CATSPERE: variants seen among roughly 807,000 people sequenced by gnomAD.
CATSPERE encodes cation channel sperm-associated auxiliary subunit epsilon.
CATSPERE carries 93 observed loss-of-function variants against 114.1 expected under a neutral mutation model. That is an observed-to-expected ratio of 0.81 (90% CI 0.69 to 0.97). CATSPERE has a LOEUF of 0.97. CATSPERE is among the 50% of genes least tolerant of loss of function. The pLI, the probability that CATSPERE is intolerant of heterozygous loss-of-function variation, is 0.00. For synonymous variants in CATSPERE, 341 were observed against 384.1 expected, an observed-to-expected ratio of 0.89 and a Z score of 1.31; for missense variants, 1,058 against 1,131.6, an observed-to-expected ratio of 0.93 and a Z score of 0.93.
intron 7 of CATSPERE, among the ~76,000 whole-genome samples, chr1:244,516,633 T>C (rs754897999): frequency 6.6e-6 from 1 of 150,748 alleles, no homozygotes; most frequent in Non-Finnish European, 1.5e-5. Context: ...GTGATTCTCC[T>C]GCCTCAGCCT....
At chr1:244,490,414 T>C (rs1390039339) in intron 5 of CATSPERE, 33 bp from the exon 6 acceptor site, 6 of 1,478,530 alleles carry the variant, frequency 4.1e-6, no homozygotes, top group African/African-American at 2.8e-5. Context: ...AACAGGCTGT[T>C]TACTAAAATA....
At chr1:244,621,290 T>G (rs79382175) in intron 20 of CATSPERE, among the ~76,000 whole-genome samples, 6,380 of 46,040 alleles carry the variant, frequency 0.14, 2,170 homozygotes, top group Non-Finnish European at 0.17. Flanking sequence ...TATAGATATA[T>G]CTATATAAAT....
rs148380173 is a variant in CATSPERE, at chr1:244,554,403, A to G, written c.1029+1589A>G. Among the ~76,000 whole-genome samples, 225 of 152,124 alleles carry G rather than the reference A, an allele frequency of 1.5e-3. 1 individual carries two copies. The highest frequency in any genetic ancestry group is 5.2e-3 in the African/African-American group (214 of 41,500). On this transcript the variant is annotated intron_variant, in intron 9 of 21. Transcript: ENST00000366534. Reference sequence around the variant, plus strand: ...TGCCAGGCTGGGCAGGGTGGCTCACACCTGTAGTTGCAGCACTTCGGGAGG... The same window carrying G: ...TGCCAGGCTGGGCAGGGTGGCTCACGCCTGTAGTTGCAGCACTTCGGGAGG...
At chr1:244,612,848 TG>T (rs761334271) in intron 19 of CATSPERE, among the ~76,000 whole-genome samples, 5 of 152,100 alleles carry the variant, frequency 3.3e-5, no homozygotes, top group Non-Finnish European at 5.9e-5. Flanking sequence ...TCTAAGTGAC[TG>T]GGTGATTTGA....
At chr1:244,510,183 T>C (rs1162627676) in intron 7 of CATSPERE, among the ~76,000 whole-genome samples, 1 of 152,186 alleles carries the variant, frequency 6.6e-6, no homozygotes, top group African/African-American at 2.4e-5. Flanking sequence ...GAGATCCTTT[T>C]ACTTTTATGA....
In CATSPERE at chr1:244,590,211, C is replaced by T. The variant is rs116508738; in HGVS notation, c.2139-1470C>T. On this transcript the variant is annotated intron_variant, in intron 14 of 21. Transcript: ENST00000366534. ...TAACTAAAAACTCCTATAATTACAA[C>T]GATCATTATAGCCTTCTGTCTTATG... Among the ~76,000 whole-genome samples the T allele has an allele frequency of 5.0e-3, 764 of 152,244 alleles. 8 individuals are homozygous for T. Among genetic ancestry groups the T allele is most frequent in the African/African-American group, 0.018 (738 of 41,536 alleles).
intron 10 of CATSPERE, among the ~76,000 whole-genome samples, chr1:244,561,877 C>T (rs546362433): frequency 2.6e-5 from 4 of 152,204 alleles, no homozygotes; most frequent in East Asian, 1.9e-4. Context: ...TGAGGCCAGG[C>T]GTGGTGGCTC....
chr1:244,547,729 A>G (rs982421432), intron 8 of CATSPERE, among the ~76,000 whole-genome samples: 1 of 152,224 alleles, frequency 6.6e-6, no homozygotes, highest in Admixed American at 6.5e-5. Context: ...CTACTAGAGA[A>G]CATCTCTTAG....
intron 2 of CATSPERE, among the ~76,000 whole-genome samples, chr1:244,468,893 G>A (rs1441121493): frequency 6.6e-6 from 1 of 152,150 alleles, no homozygotes; most frequent in Non-Finnish European, 1.5e-5. Flanking sequence ...ACTCCAGCCT[G>A]GGTGACACAA....
intron 7 of CATSPERE, among the ~76,000 whole-genome samples, chr1:244,512,067 C>G (rs574286764): frequency 2.0e-5 from 3 of 152,222 alleles, no homozygotes; most frequent in South Asian, 4.2e-4. Context: ...CTTCCTGTAC[C>G]TGGATATCTA....
At chr1:244,630,441 A>G (rs570229236) in intron 20 of CATSPERE, among the ~76,000 whole-genome samples, 1 of 152,302 alleles carries the variant, frequency 6.6e-6, no homozygotes, top group South Asian at 2.1e-4. Context: ...AATTTGCTAA[A>G]TGAATGGCTG....
intron 15 of CATSPERE, among the ~76,000 whole-genome samples, chr1:244,593,042 T>A (rs1461174193): frequency 6.6e-6 from 1 of 152,250 alleles, no homozygotes; most frequent in Admixed American, 6.5e-5. Flanking sequence ...ATGTATCTTA[T>A]TCTTTCATCT....
chr1:244,523,820 G>T (rs1352957957), intron 8 of CATSPERE, among the ~76,000 whole-genome samples: 1 of 147,220 alleles, frequency 6.8e-6, no homozygotes, highest in Non-Finnish European at 1.5e-5. Context: ...ACAAACCACT[G>T]CTCAATGAAA....
chr1:244,496,125 T>C (rs913476167), intron 6 of CATSPERE, among the ~76,000 whole-genome samples: 11 of 152,198 alleles, frequency 7.2e-5, no homozygotes, highest in African/African-American at 2.7e-4. Flanking sequence ...TAAACATTTC[T>C]GTATCCATGG....
At chr1:244,532,469 G>A (rs1679768517) in intron 8 of CATSPERE, among the ~76,000 whole-genome samples, 1 of 151,920 alleles carries the variant, frequency 6.6e-6, no homozygotes, top group Non-Finnish European at 1.5e-5. Flanking sequence ...TCTCAGTACT[G>A]CTTTTGCTGT....
chr1:244,596,323 G>A (rs114916075), intron 17 of CATSPERE, among the ~76,000 whole-genome samples: 227 of 152,248 alleles, frequency 1.5e-3, no homozygotes, highest in African/African-American at 4.9e-3. Flanking sequence ...AATATAGCTA[G>A]CCAGCAATCC....
Position 244,606,070 on chromosome 1 carries a change from G to A in CATSPERE, c.2403+276G>A, listed in dbSNP as rs181890876. On this transcript the variant is annotated intron_variant, in intron 18 of 21. Transcript: ENST00000366534. ...TTCTTTTCTCTCCAAACTGTATTCA[G>A]TGTTTGATTATTTATGGGTCTGCCT... Among the ~76,000 whole-genome samples, 3 of 152,190 alleles carry A rather than the reference G, an allele frequency of 2.0e-5. No individual in the cohort carries two copies. In the East Asian group the frequency reaches 5.8e-4, roughly 29 times the overall value.
upstream of CATSPERE, among the ~76,000 whole-genome samples, chr1:244,458,299 T>C (rs1456927357): frequency 2.0e-5 from 3 of 152,214 alleles, no homozygotes; most frequent in Non-Finnish European, 4.4e-5. Context: ...TATAATGTTA[T>C]AATTTAGTGT....
chr1:244,509,981 C>T (rs2148324693), intron 7 of CATSPERE, among the ~76,000 whole-genome samples: 1 of 152,138 alleles, frequency 6.6e-6, no homozygotes, highest in South Asian at 2.1e-4. Flanking sequence ...TTCTTGGTCA[C>T]TCTAAGTAGC....
Sources: gnomAD v4.1 joint callset for allele counts (sites outside exome capture counted in the v4.1 genomes callset) on GRCh38, gnomAD v4.1.1 for gene constraint, MANE v1.5 for transcripts, NCBI Gene and HGNC (gene_info 2026-07-23, HGNC 2026-07-21) for gene names.